FRYL: variants seen among roughly 807,000 people sequenced by gnomAD.
FRYL encodes the protein protein furry homolog-like.
FRYL carries 150 observed loss-of-function variants against 351.2 expected under a neutral mutation model. The observed-to-expected ratio is 0.43, with a 90% CI of 0.37 to 0.49. FRYL has a LOEUF of 0.49. FRYL is among the 20% of genes least tolerant of loss of function. The probability of loss-of-function intolerance (pLI) is 0.00; values close to 1 mark genes in which losing one functional copy is unlikely to be tolerated. For synonymous variants in FRYL, 1,153 were observed against 1,257.1 expected, an observed-to-expected ratio of 0.92 and a Z score of 1.75; for missense variants, 3,036 against 3,619.3, an observed-to-expected ratio of 0.84 and a Z score of 4.13.
rs749316498 is a variant in FRYL at position 48,535,612 on chromosome 4, C to CACAT, written c.6564+41_6564+44dup. On this transcript the variant is annotated intron_variant, in intron 48 of 63. Coordinates refer to ENST00000358350, the MANE Select transcript of FRYL (RefSeq NM_015030.2). ...ACACACACACACACACACACACACA[C>CACAT]ACATATATATATAGTAAATAAGAAA... is the stretch of plus-strand genomic sequence containing the variant. 6.2e-4 allele frequency: 757 copies of CACAT among 1,213,992 alleles called. 2 individuals are homozygous for CACAT. Among genetic ancestry groups the CACAT allele is most frequent in the Non-Finnish European group, 8.2e-4 (729 of 886,916 alleles). 75.2% of individuals were successfully genotyped at this position (1,213,992 alleles called of 1,614,324 possible).
intron 2 of FRYL, among the ~76,000 whole-genome samples, chr4:48,696,532 T>C (rs1247690207): frequency 6.6e-6 from 1 of 151,438 alleles, no homozygotes; most frequent in Non-Finnish European, 1.5e-5. Flanking sequence ...AGTCAGCAGG[T>C]GGGGGGCAAG....
intron 1 of FRYL, among the ~76,000 whole-genome samples, chr4:48,751,642 C>T (rs1399878825): frequency 6.6e-6 from 1 of 151,950 alleles, no homozygotes; most frequent in African/African-American, 2.4e-5. Context: ...CCCATTAACA[C>T]AGAAAACTAG....
rs767639431 is a variant in FRYL at position 48,540,658 on chromosome 4, G to C, written c.5990C>G (p.Thr1997Ser). The C allele has an allele frequency of 1.2e-6, 2 of 1,613,964 alleles. No individual in the cohort carries two copies. Among genetic ancestry groups the C allele is most frequent in the South Asian group, 2.2e-5 (2 of 91,078 alleles). Reference protein sequence around the residue: ...MYDVQSTTEPTNLMATIFWIA... With the variant: ...MYDVQSTTEPSNLMATIFWIA... ...CCAAAAAATGGTGGCCATCAAGTTG[G>C]TAGGCTCAGTAGTGGACTGCACGTC... The change falls in exon 46 of 64, where the codon ACC (threonine) becomes AGC (serine). Residue 1997 changes from threonine to serine, a missense_variant. This residue lies in a region of FRYL where 1,987 missense variants were observed against 2,311.7 expected (regional missense o/e 0.86). Transcript: ENST00000358350.
intron 56 of FRYL, among the ~76,000 whole-genome samples, chr4:48,513,596 A>G (rs1327851415): frequency 2.0e-5 from 3 of 152,232 alleles, no homozygotes; most frequent in African/African-American, 2.4e-5. Flanking sequence ...AGCTAGTTCT[A>G]TAAGGCTTTA....
rs760448078 is a variant in FRYL, at chr4:48,575,068, A to G, written c.2846+49T>C. 4.4e-6 allele frequency: 7 copies of G among 1,595,418 alleles called. 1 individual carries two copies. In the South Asian group the frequency reaches 7.8e-5, roughly 18 times the overall value. ...AAGGACCCTACCACACCTTCTAAGT[A>G]GCACATTTATTCTTTTAGGACATAG... On this transcript the variant is annotated intron_variant, in intron 25 of 63. Coordinates refer to ENST00000358350, the MANE Select transcript of FRYL (RefSeq NM_015030.2).
At chr4:48,505,830 G>A (rs1720793342) in intron 59 of FRYL, 2 of 460,966 alleles carry the variant, frequency 4.3e-6, no homozygotes, top group Admixed American at 7.7e-5. Flanking sequence ...ACTTGTGACA[G>A]CTATACTAAC....
chr4:48,674,050 G>GATTTT (rs1414610715), intron 3 of FRYL, among the ~76,000 whole-genome samples: 1 of 152,064 alleles, frequency 6.6e-6, no homozygotes, highest in Non-Finnish European at 1.5e-5. Flanking sequence ...CTCTGTTCTT[G>GATTTT]ATGAATTTTA....
chr4:48,726,366 TGAG>T (rs1395878622), intron 1 of FRYL, among the ~76,000 whole-genome samples: 7 of 152,210 alleles, frequency 4.6e-5, no homozygotes, highest in African/African-American at 1.7e-4. Flanking sequence ...CAATGAAATG[TGAG>T]GAGAAGTGAC....
At chr4:48,730,083 G>A (rs1770557433) in intron 1 of FRYL, among the ~76,000 whole-genome samples, 1 of 152,108 alleles carries the variant, frequency 6.6e-6, no homozygotes, top group Non-Finnish European at 1.5e-5. Flanking sequence ...ACTTCATGAA[G>A]CATACACAAG....
intron 26 of FRYL, chr4:48,571,681 T>C (rs1738367444): frequency 2.0e-6 from 2 of 984,806 alleles, no homozygotes; most frequent in African/African-American, 3.5e-5. Flanking sequence ...ACTAATCAAT[T>C]ACATTTACTT....
intron 1 of FRYL, among the ~76,000 whole-genome samples, chr4:48,724,930 G>GT (rs1472022356): frequency 6.6e-6 from 1 of 152,092 alleles, no homozygotes; most frequent in Non-Finnish European, 1.5e-5. Context: ...ATTTGAAACT[G>GT]TTTTTATTCC....
intron 1 of FRYL, among the ~76,000 whole-genome samples, chr4:48,734,371 A>ATG (rs1457186255): frequency 1.3e-5 from 2 of 152,252 alleles, no homozygotes; most frequent in East Asian, 1.9e-4. Context: ...ACAATACTAA[A>ATG]TGTGTGTGTG....
chr4:48,598,890 G>A, intron 13 of FRYL: 1 of 980,324 alleles, frequency 1.0e-6, no homozygotes, highest in Non-Finnish European at 1.2e-6. Flanking sequence ...AAAGCAATGT[G>A]AGACAGCAAA....
chr4:48,702,170 A>T (rs1213060674), intron 2 of FRYL, among the ~76,000 whole-genome samples: 3 of 152,046 alleles, frequency 2.0e-5, no homozygotes, highest in Non-Finnish European at 4.4e-5. Flanking sequence ...AAAAATAAAA[A>T]ATAGGCCAGG....
chr4:48,775,374 A>C (rs183287604), intron 1 of FRYL, among the ~76,000 whole-genome samples: 10 of 152,300 alleles, frequency 6.6e-5, no homozygotes, highest in Admixed American at 4.6e-4. Context: ...TCTTACCCTC[A>C]ATGCCTAGCA....
intron 2 of FRYL, among the ~76,000 whole-genome samples, chr4:48,693,042 C>T (rs1765816344): frequency 6.6e-6 from 1 of 152,166 alleles, no homozygotes; most frequent in African/African-American, 2.4e-5. Flanking sequence ...CCCTACTGAC[C>T]TATGTGGAAT....
chr4:48,773,302 G>A (rs1056333022), intron 1 of FRYL, among the ~76,000 whole-genome samples: 2 of 152,030 alleles, frequency 1.3e-5, no homozygotes, highest in Non-Finnish European at 2.9e-5. Context: ...ACTTATTAAG[G>A]GTCTACCAAG....
At chr4:48,777,497 G>T (rs985293838) in intron 1 of FRYL, among the ~76,000 whole-genome samples, 1 of 152,226 alleles carries the variant, frequency 6.6e-6, no homozygotes, top group African/African-American at 2.4e-5. Flanking sequence ...CACAGAAATG[G>T]AGGATAATTC....
chr4:48,538,440 T>C (rs899221798), intron 47 of FRYL, among the ~76,000 whole-genome samples: 1 of 152,192 alleles, frequency 6.6e-6, no homozygotes, highest in Non-Finnish European at 1.5e-5. Context: ...ATCAAGACAG[T>C]GAAAAGGTTC....
Sources: gnomAD v4.1 joint callset for allele counts (sites outside exome capture counted in the v4.1 genomes callset) on GRCh38, gnomAD v4.1.1 for gene constraint, gnomAD v4.1.1 regional missense constraint, MANE v1.5 for transcripts, NCBI Gene and HGNC (gene_info 2026-07-23, HGNC 2026-07-21) for gene names.